Variants in KIRREL3 observed in about 807,000 individuals in gnomAD.
The protein encoded by KIRREL3 is kin of IRRE-like protein 3.
In KIRREL3, 36 loss-of-function variants were observed where a neutral mutation model predicts 89.7. The ratio of observed to expected loss-of-function variants is 0.40; its 90% confidence interval spans 0.31 to 0.53. The LOEUF (loss-of-function observed/expected upper bound fraction) is 0.53. KIRREL3 is among the 20% of genes least tolerant of loss of function. KIRREL3 has a pLI of 0.49. For synonymous variants in KIRREL3, 445 were observed against 441.4 expected (o/e 1.01, Z -0.10); for missense variants, 864 against 1,056.6 (o/e 0.82, Z 2.53).
In KIRREL3 at chr11:126,463,158, C is replaced by G. The variant is rs923121610; in HGVS notation, c.741G>C (p.Gln247His). 9 of 1,612,748 alleles carry G rather than the reference C, an allele frequency of 5.6e-6. No homozygotes were observed. Among genetic ancestry groups the G allele is most frequent in the Non-Finnish European group, 7.6e-6 (9 of 1,179,618 alleles). Residue 247 changes from glutamine to histidine, a missense_variant and splice_region_variant, in exon 6 of 17, where the codon CAG becomes CAC. By Grantham distance (24) the Gln-to-His change is conservative. Transcript: ENST00000525144. The surrounding 1 kb of genome is among the most constrained non-coding windows in gnomAD (Gnocchi z 5.9). ...TTGGGGGAGGGGGTGGGTACTCACG[C>G]TGGATGTCAATGGTGACCGACGTCT... is the stretch of plus-strand genomic sequence containing the variant. ...GKETSVTIDI[Q>H]HPPLVNLSVE...
In KIRREL3 at chr11:126,561,343, G is replaced by A. The variant is rs558281058; in HGVS notation, c.133+1492C>T. Among the ~76,000 whole-genome samples the A allele has an allele frequency of 4.6e-5, 7 of 152,350 alleles. No individual in the cohort carries two copies. In the South Asian group the frequency reaches 1.4e-3, roughly 32 times the overall value. On this transcript the variant is annotated intron_variant, in intron 2 of 16. Transcript: ENST00000525144. The surrounding 1 kb of genome is among the most constrained non-coding windows in gnomAD (Gnocchi z 4.5). ...ATCCCCTCATCTCCTCAGCCACCCA[G>A]AAGCTGAGGTCAGATATCTGGAGCT...
chr11:126,813,723 G>A (rs11220623), intron 1 of KIRREL3, among the ~76,000 whole-genome samples: 5,297 of 151,566 alleles, frequency 0.035, 115 homozygotes, highest in African/African-American at 0.056. Context: ...AGTGAATAGT[G>A]CCCTTAAAGC....
At position 126,495,751 on chromosome 11, in the gene KIRREL3, C is replaced by T. The variant is rs1332305157; in HGVS notation, c.434-22285G>A. On this transcript the variant is annotated intron_variant, in intron 4 of 16. Transcript: ENST00000525144. The surrounding 1 kb of genome is among the most constrained non-coding windows in gnomAD (Gnocchi z 6.5). ...GCCCATGTGGGCACTCCCTGCCCTT[C>T]TCACCGCTCTCCTTGTAAAAGGCAG... is the stretch of plus-strand genomic sequence containing the variant. Among the ~76,000 whole-genome samples, 1 of 152,178 alleles carries T rather than the reference C, an allele frequency of 6.6e-6. No homozygotes were observed. Among genetic ancestry groups the T allele is most frequent in the Non-Finnish European group, 1.5e-5 (1 of 68,040 alleles).
In KIRREL3 at chr11:126,558,981, G is replaced by C. The variant is rs1480693340; in HGVS notation, c.133+3854C>G. ...GGAGATGTGGCTGAGGAACCAGTGAGAGTAAACTGGATCTACTTAAAGATG... is the reference window on the plus strand; with the variant it reads ...GGAGATGTGGCTGAGGAACCAGTGACAGTAAACTGGATCTACTTAAAGATG... On this transcript the variant is annotated intron_variant, in intron 2 of 16. Transcript: ENST00000525144. This position sits in a 1 kb window ranked among gnomAD's most constrained non-coding sequence, Gnocchi z 4.0. Among the ~76,000 whole-genome samples, 3 of 152,128 alleles carry C rather than the reference G, an allele frequency of 2.0e-5. No homozygotes were observed. Among genetic ancestry groups the C allele is most frequent in the Admixed American group, 6.5e-5 (1 of 15,278 alleles).
At chr11:126,629,837 A>AGCCACTCTGTCCCTTCACTGCT (rs1449146091) in intron 1 of KIRREL3, among the ~76,000 whole-genome samples, 3 of 152,170 alleles carry the variant, frequency 2.0e-5, no homozygotes, top group Non-Finnish European at 4.4e-5. Flanking sequence ...TGGTTCTATG[A>AGCCACTCTGTCCCTTCACTGCT]GCCACTCTGT....
rs1262587947 is a variant in KIRREL3, at chr11:126,451,355, TGTGA to T, written c.849-2202_849-2199del. Among the ~76,000 whole-genome samples, 1,281 of 137,670 alleles carry T rather than the reference TGTGA, an allele frequency of 9.3e-3. 23 individuals are homozygous for T. Among genetic ancestry groups the T allele is most frequent in the African/African-American group, 0.031 (1,209 of 39,130 alleles). 90.3% of individuals were successfully genotyped at this position (137,670 alleles called of 152,430 possible). A position where few individuals can be genotyped will look rare whatever the true frequency, so the allele number is the denominator to read the frequency against. The stretch of plus-strand genomic sequence containing the variant: ...GTGAGTGTGTGCATGTGTGTGCGTA[TGTGA>T]GTGTGACTATGTGTGAGCGTGTGCA... On this transcript the variant is annotated intron_variant, in intron 7 of 16. Coordinates refer to ENST00000525144, the MANE Select transcript of KIRREL3 (RefSeq NM_032531.4).
chr11:126,925,929 C>T (rs1947694828), intron 1 of KIRREL3, among the ~76,000 whole-genome samples: 1 of 152,202 alleles, frequency 6.6e-6, no homozygotes, highest in East Asian at 1.9e-4. Context: ...AAACAGACAC[C>T]CCCGGATCTG....
rs183534711 is a variant in KIRREL3 at position 126,964,388 on chromosome 11, T to C, written c.55+36067A>G. Among the ~76,000 whole-genome samples the C allele has an allele frequency of 1.0e-3, 156 of 152,296 alleles. 4 individuals are homozygous for C. Among genetic ancestry groups the C allele is most frequent in the Admixed American group, 8.2e-3 (125 of 15,290 alleles). ...CACCCCCTTCTCCCCCATAGATAGA[T>C]AGTTTTAGCTCTTCAGTGAATATAA... is the stretch of plus-strand genomic sequence containing the variant. On this transcript the variant is annotated intron_variant, in intron 1 of 16. Transcript: ENST00000525144.
intron 1 of KIRREL3, among the ~76,000 whole-genome samples, chr11:126,577,753 C>G (rs1035910060): frequency 5.9e-5 from 9 of 151,572 alleles, no homozygotes; most frequent in African/African-American, 2.2e-4. Context: ...CAGAGTAAGA[C>G]TCTGTCTCAA....
Position 126,705,170 on chromosome 11 carries a change from C to T in KIRREL3, c.56-142258G>A, listed in dbSNP as rs1053457125. ...ACAAAGATGTCAGTCCTTTTCTACT[C>T]GTGCCAAAATTATAAACAGTTTATT... On this transcript the variant is annotated intron_variant, in intron 1 of 16. Coordinates refer to ENST00000525144, the MANE Select transcript of KIRREL3 (RefSeq NM_032531.4). The surrounding 1 kb of genome is among the most constrained non-coding windows in gnomAD (Gnocchi z 4.3). Among the ~76,000 whole-genome samples the T allele has an allele frequency of 4.6e-5, 7 of 152,162 alleles. No individual in the cohort carries two copies. The East Asian group carries it at 5.8e-4, about 13-fold the overall frequency.
intron 6 of KIRREL3, among the ~76,000 whole-genome samples, chr11:126,461,981 CAGAGG>C (rs1956561977): frequency 6.6e-6 from 1 of 152,218 alleles, no homozygotes. Context: ...GAGGGGATCT[CAGAGG>C]AGAGAAGTCC....
chr11:126,524,207 G>T (rs1958679573), intron 3 of KIRREL3, among the ~76,000 whole-genome samples: 1 of 152,130 alleles, frequency 6.6e-6, no homozygotes, highest in Admixed American at 6.5e-5. Flanking sequence ...CCATTTTATG[G>T]GGACAATACC....
Position 126,624,932 on chromosome 11 carries a change from C to T in KIRREL3, c.56-62020G>A, listed in dbSNP as rs889551502. Reference sequence around the variant, plus strand: ...GGGGTGGGGCAGGGACTGCTGATGGCGTTTCCTAGTCACTCATCACAAGGT... The same window carrying T: ...GGGGTGGGGCAGGGACTGCTGATGGTGTTTCCTAGTCACTCATCACAAGGT... On this transcript the variant is annotated intron_variant, in intron 1 of 16. Coordinates refer to ENST00000525144, the MANE Select transcript of KIRREL3 (RefSeq NM_032531.4). This position sits in a 1 kb window ranked among gnomAD's most constrained non-coding sequence, Gnocchi z 6.0. Among the ~76,000 whole-genome samples, 1 of 152,064 alleles carries T rather than the reference C, an allele frequency of 6.6e-6. No homozygotes were observed. The highest frequency in any genetic ancestry group is 1.5e-5 in the Non-Finnish European group (1 of 68,012).
In KIRREL3 at chr11:126,817,131, A is replaced by G. The variant is rs1428364655; in HGVS notation, c.55+183324T>C. 6.6e-6 allele frequency among the ~76,000 whole-genome samples: 1 copy of G among 152,202 alleles called. No individual in the cohort carries two copies. The highest frequency in any genetic ancestry group is 1.5e-5 in the Non-Finnish European group (1 of 68,042). On this transcript the variant is annotated intron_variant, in intron 1 of 16. Transcript: ENST00000525144. The surrounding 1 kb of genome is among the most constrained non-coding windows in gnomAD (Gnocchi z 5.7). ...TTAAAATTAATAGGAAAGATAGAAA[A>G]ATTAAGCAGCTGGACCATGGATAAA...
chr11:126,833,711 GAC>G (rs1943686583), intron 1 of KIRREL3, among the ~76,000 whole-genome samples: 1 of 152,194 alleles, frequency 6.6e-6, no homozygotes, highest in Non-Finnish European at 1.5e-5. Flanking sequence ...ACAGGCTGCA[GAC>G]ACACACAGCT....
intron 1 of KIRREL3, among the ~76,000 whole-genome samples, chr11:126,886,670 A>T (rs1247032265): frequency 1.3e-5 from 2 of 152,174 alleles, no homozygotes; most frequent in Non-Finnish European, 2.9e-5. Flanking sequence ...AGCATTATTG[A>T]ACAGTTGGGA....
At chr11:126,831,413 G>GTC (rs1343932333) in intron 1 of KIRREL3, among the ~76,000 whole-genome samples, 80 of 111,764 alleles carry the variant, frequency 7.2e-4, no homozygotes, top group African/African-American at 2.9e-3. Flanking sequence ...CAGTCTCTCT[G>GTC]TCTCTCTCTA....
rs1198060085 is a variant in KIRREL3, at chr11:126,991,609, A to G, written c.55+8846T>C. ...ACTTTGTACCCCGAGGTAAAACTGA[A>G]TGCCAGAAAGATAAAGAAACTGACT... On this transcript the variant is annotated intron_variant, in intron 1 of 16. Transcript: ENST00000525144. This position sits in a 1 kb window ranked among gnomAD's most constrained non-coding sequence, Gnocchi z 5.8. Among the ~76,000 whole-genome samples, 1 of 152,206 alleles carries G rather than the reference A, an allele frequency of 6.6e-6. No homozygotes were observed. The highest frequency in any genetic ancestry group is 6.5e-5 in the Admixed American group (1 of 15,284).
chr11:126,665,229 G>A (rs1322340888), intron 1 of KIRREL3, among the ~76,000 whole-genome samples: 1 of 152,206 alleles, frequency 6.6e-6, no homozygotes, highest in Admixed American at 6.5e-5. Flanking sequence ...TGGGAATGGT[G>A]TCTGCAGGAT....
Sources: allele counts gnomAD v4.1 joint callset (sites outside exome capture counted in the v4.1 genomes callset), GRCh38; gene constraint gnomAD v4.1.1; non-coding constraint Gnocchi (gnomAD v3.1); transcripts MANE v1.5; gene names NCBI Gene and HGNC (gene_info 2026-07-23, HGNC 2026-07-21).